The following PDE4D variants were observed in gnomAD, a reference collection of about 807,000 sequenced individuals.
PDE4D encodes the protein 3',5'-cyclic-AMP phosphodiesterase 4D.
In PDE4D, 24 loss-of-function variants were observed where a neutral mutation model predicts 87.4. That is an observed-to-expected ratio of 0.27 (90% CI 0.20 to 0.39). PDE4D has a LOEUF of 0.39. Ranked by LOEUF, PDE4D falls within the 10% of genes least tolerant of loss-of-function variation. The pLI is 1.00. For missense variants in PDE4D, 714 were observed against 1,041.0 expected (o/e 0.69, Z 4.32); for synonymous variants, 384 against 383.2 (o/e 1.00, Z -0.02).
At chr5:60,319,071 G>A (rs371787713) in intron 1 of PDE4D, among the ~76,000 whole-genome samples, 1 of 152,188 alleles carries the variant, frequency 6.6e-6, no homozygotes, top group Non-Finnish European at 1.5e-5. Flanking sequence ...ATAATACCCT[G>A]CAGAGTGTTT....
At chr5:60,385,106 T>C (rs1321346673) in intron 1 of PDE4D, among the ~76,000 whole-genome samples, 1 of 152,218 alleles carries the variant, frequency 6.6e-6, no homozygotes, top group African/African-American at 2.4e-5. Context: ...TCATTGCCAC[T>C]GTTCCTCCAC....
intron 1 of PDE4D, chr5:59,703,591 C>A (rs1456119642): frequency 1.9e-6 from 1 of 534,340 alleles, no homozygotes; most frequent in Admixed American, 1.9e-5. Context: ...TTGTCCCCAG[C>A]CGACTTCACA....
At chr5:60,324,905 T>C (rs1562325633) in intron 1 of PDE4D, among the ~76,000 whole-genome samples, 1 of 152,114 alleles carries the variant, frequency 6.6e-6, no homozygotes, top group Non-Finnish European at 1.5e-5. Context: ...AAAAATATGA[T>C]TTCTAAAGAG....
chr5:60,068,541 T>A (rs905156280), intron 2 of PDE4D, among the ~76,000 whole-genome samples: 2 of 152,030 alleles, frequency 1.3e-5, no homozygotes, highest in Non-Finnish European at 2.9e-5. Context: ...ATTCCCCCCA[T>A]TCTGTAAGTG....
intron 1 of PDE4D, among the ~76,000 whole-genome samples, chr5:59,878,887 GTTTTTTTT>G (rs70975345): frequency 4.2e-5 from 3 of 71,730 alleles, no homozygotes; most frequent in Admixed American, 2.4e-4. Flanking sequence ...ACCGAAGTAA[GTTTTTTTT>G]TTTTTTTTTT....
chr5:59,022,411 T>C (rs1029338148), intron 6 of PDE4D, among the ~76,000 whole-genome samples: 1 of 152,158 alleles, frequency 6.6e-6, no homozygotes, highest in Non-Finnish European at 1.5e-5. Context: ...TTTTCCACCC[T>C]ATTCAGAAGT....
chr5:60,363,256 A>G (rs999369869), intron 1 of PDE4D, among the ~76,000 whole-genome samples: 2 of 152,172 alleles, frequency 1.3e-5, no homozygotes, highest in Non-Finnish European at 2.9e-5. Flanking sequence ...CAAGTAGTAT[A>G]TATTTGCTTC....
rs1561396071 is a variant in PDE4D, at chr5:59,053,645, G to GTTTTTTGTTTTTTTTTTTTTTTT, written c.809-14675_809-14674insAAAAAAAAAAAAAAAACAAAAAA. ...TATGAATTAAGTTGTTTTGTTTTTT[G>GTTTTTTGTTTTTTTTTTTTTTTT]TTTTTTTTTGTTGTTGTTTTTTTTT... On this transcript the variant is annotated intron_variant, in intron 5 of 14. Transcript: ENST00000340635. Among the ~76,000 whole-genome samples the GTTTTTTGTTTTTTTTTTTTTTTT allele has an allele frequency of 1.2e-4, 8 of 68,794 alleles. No homozygotes were observed. In the East Asian group the frequency reaches 1.9e-3, roughly 16 times the overall value. The allele number at this position is 68,794 out of a possible 152,430, so 45.1% of individuals were successfully genotyped here.
intron 1 of PDE4D, among the ~76,000 whole-genome samples, chr5:60,376,165 C>T (rs1440114038): frequency 6.6e-6 from 1 of 152,082 alleles, no homozygotes; most frequent in Non-Finnish European, 1.5e-5. Context: ...TAACTTGAAG[C>T]AATACAAATT....
At chr5:59,473,646 A>G (rs1353977599) in intron 1 of PDE4D, among the ~76,000 whole-genome samples, 4 of 152,216 alleles carry the variant, frequency 2.6e-5, no homozygotes, top group Non-Finnish European at 5.9e-5. Flanking sequence ...CAATGTCCAG[A>G]TTCCCAGATG....
intron 1 of PDE4D, among the ~76,000 whole-genome samples, chr5:59,700,301 C>T (rs1052515848): frequency 6.6e-6 from 1 of 152,028 alleles, no homozygotes; most frequent in Non-Finnish European, 1.5e-5. Flanking sequence ...ATTATTTTAC[C>T]AACAACCCAA....
intron 2 of PDE4D, among the ~76,000 whole-genome samples, chr5:60,093,918 G>A (rs971166232): frequency 6.6e-6 from 1 of 152,056 alleles, no homozygotes; most frequent in Non-Finnish European, 1.5e-5. Flanking sequence ...ATTATCTATG[G>A]ATGGTGAAAT....
At chr5:59,966,857 TCTAA>T (rs1324049787) in intron 3 of PDE4D, among the ~76,000 whole-genome samples, 2 of 152,212 alleles carry the variant, frequency 1.3e-5, no homozygotes, top group Non-Finnish European at 2.9e-5. Context: ...AACAATGAAA[TCTAA>T]CTTACTGTCC....
At chr5:59,211,745 T>C (rs1750130420) in intron 2 of PDE4D, among the ~76,000 whole-genome samples, 1 of 152,144 alleles carries the variant, frequency 6.6e-6, no homozygotes, top group South Asian at 2.1e-4. Context: ...ACACACACCA[T>C]GTATGTTATG....
chr5:59,823,348 T>G (rs1176390129), intron 1 of PDE4D, among the ~76,000 whole-genome samples: 1 of 152,228 alleles, frequency 6.6e-6, no homozygotes, highest in Non-Finnish European at 1.5e-5. Flanking sequence ...GCATTCTTTT[T>G]TTTTCCATTC....
At chr5:59,105,209 G>C (rs1052864146) in intron 5 of PDE4D, among the ~76,000 whole-genome samples, 1 of 152,106 alleles carries the variant, frequency 6.6e-6, no homozygotes, top group African/African-American at 2.4e-5. Context: ...AGAACTGCTG[G>C]GTCTATTATG....
rs564888355 is a variant in PDE4D, at chr5:59,030,215, C to A, written c.921+8644G>T. Among the ~76,000 whole-genome samples the A allele has an allele frequency of 5.9e-5, 9 of 152,016 alleles. No homozygotes were observed. In the East Asian group the frequency reaches 1.7e-3, roughly 29 times the overall value. Reference sequence around the variant, plus strand: ...TACATTAAACTAAAAAGTACCTGCACAAGCAACCAAATAATAGAGTGAAAA... The same window carrying A: ...TACATTAAACTAAAAAGTACCTGCAAAAGCAACCAAATAATAGAGTGAAAA... On this transcript the variant is annotated intron_variant, in intron 6 of 14. Transcript: ENST00000340635.
intron 2 of PDE4D, among the ~76,000 whole-genome samples, chr5:60,123,598 T>A (rs1161212618): frequency 4.0e-5 from 6 of 150,284 alleles, no homozygotes. Context: ...ATTATGGGAG[T>A]ACAATTCAAG....
At chr5:60,030,843 G>T (rs1486940439) in intron 2 of PDE4D, 1 of 152,136 alleles carries the variant, frequency 6.6e-6, no homozygotes, top group Non-Finnish European at 1.5e-5. Context: ...GCTTTTCCGT[G>T]TAAGTTTTAG....
Sources: gnomAD v4.1 joint callset for allele counts (sites outside exome capture counted in the v4.1 genomes callset) on GRCh38, gnomAD v4.1.1 for gene constraint, MANE v1.5 for transcripts, NCBI Gene and HGNC (gene_info 2026-07-23, HGNC 2026-07-21) for gene names.